ASAP1: variants seen among roughly 807,000 people sequenced by gnomAD.
ASAP1 encodes the protein ArfGAP with SH3 domain, ankyrin repeat and PH domain 1, also known as arf-GAP with SH3 domain, ANK repeat and PH domain-containing protein 1.
Under a neutral mutation model 145.2 loss-of-function variants are expected in ASAP1, and 43 were observed. The ratio of observed to expected loss-of-function variants is 0.30; its 90% CI spans 0.23 to 0.38. The LOEUF (loss-of-function observed/expected upper bound fraction) is 0.38, where lower values mean the gene tolerates loss of function less well. Among genes scored for constraint, ASAP1 ranks in the 10% least tolerant of loss-of-function variants. The pLI, the probability that ASAP1 is intolerant of heterozygous loss-of-function variation, is 1.00. For synonymous variants in ASAP1, 546 were observed against 515.5 expected, an observed-to-expected ratio of 1.06 and a Z score of -0.80; for missense variants, 1,018 against 1,355.3, an observed-to-expected ratio of 0.75 and a Z score of 3.91.
At chr8:130,082,306 T>TA (rs2097482326) in intron 25 of ASAP1, among the ~76,000 whole-genome samples, 1 of 152,196 alleles carries the variant, frequency 6.6e-6, no homozygotes, top group African/African-American at 2.4e-5. Context: ...ACTTCTTTGG[T>TA]AACTCATAAA....
chr8:130,332,428 TTA>T (rs1824752658), intron 3 of ASAP1, among the ~76,000 whole-genome samples: 1 of 152,242 alleles, frequency 6.6e-6, no homozygotes. Context: ...ATTTCTGTGA[TTA>T]TGTCATTGTA....
intron 2 of ASAP1, among the ~76,000 whole-genome samples, chr8:130,366,075 T>C (rs979691805): frequency 2.0e-5 from 3 of 152,212 alleles, no homozygotes; most frequent in African/African-American, 7.2e-5. Context: ...GACAGATTTG[T>C]GGGAACTGAG....
intron 27 of ASAP1, among the ~76,000 whole-genome samples, chr8:130,070,316 C>T (rs541985855): frequency 1.6e-4 from 24 of 152,240 alleles, no homozygotes; most frequent in Non-Finnish European, 2.4e-4. Flanking sequence ...GGATTACAGG[C>T]GTGAGCCACC....
chr8:130,094,184 T>C (rs1411322333), intron 24 of ASAP1, among the ~76,000 whole-genome samples: 1 of 152,166 alleles, frequency 6.6e-6, no homozygotes, highest in Non-Finnish European at 1.5e-5. Flanking sequence ...TATATGCTAT[T>C]CCTCAGCTTC....
intron 13 of ASAP1, among the ~76,000 whole-genome samples, chr8:130,140,360 CTTTT>C (rs1305950960): frequency 2.0e-5 from 3 of 148,154 alleles, no homozygotes; most frequent in Admixed American, 6.8e-5. Context: ...TTCTTTCTTT[CTTTT>C]TTTTTTAAAA....
chr8:130,109,899 T>C (rs2097543908), intron 24 of ASAP1, among the ~76,000 whole-genome samples: 10 of 152,218 alleles, frequency 6.6e-5, no homozygotes. Context: ...TGTCCTGCTG[T>C]GAACAGCCAT....
intron 3 of ASAP1, among the ~76,000 whole-genome samples, chr8:130,257,069 G>A (rs12547397): frequency 0.18 from 27,486 of 151,672 alleles, 3,149 homozygotes; most frequent in East Asian, 0.43. Flanking sequence ...AAAAACTAAT[G>A]TAACTGTTTT....
At chr8:130,198,002 T>C (rs1355766900) in intron 5 of ASAP1, among the ~76,000 whole-genome samples, 2 of 152,200 alleles carry the variant, frequency 1.3e-5, no homozygotes, top group African/African-American at 2.4e-5. Flanking sequence ...ATACACCCCA[T>C]GTCTCATTTG....
intron 5 of ASAP1, 57 bp downstream of exon 5, chr8:130,214,499 T>A (rs1816772222): frequency 6.7e-7 from 1 of 1,483,980 alleles, no homozygotes; most frequent in African/African-American, 1.4e-5. Context: ...GTTCTCTATA[T>A]GACGTAATAT....
chr8:130,335,992 T>A (rs541813397), intron 3 of ASAP1, among the ~76,000 whole-genome samples: 1 of 152,268 alleles, frequency 6.6e-6, no homozygotes, highest in Admixed American at 6.5e-5. Flanking sequence ...AATTTCCAAG[T>A]GAGACAGGAA....
Position 130,185,915 on chromosome 8 carries a change from T to C in ASAP1, c.530+1321A>G, listed in dbSNP as rs143967434. Among the ~76,000 whole-genome samples the C allele has an allele frequency of 1.1e-4, 16 of 152,220 alleles. No individual in the cohort carries two copies. In the East Asian group the frequency reaches 2.9e-3, roughly 28 times the overall value. On this transcript the variant is annotated intron_variant, in intron 7 of 29. Coordinates refer to ENST00000518721, the MANE Select transcript of ASAP1 (RefSeq NM_018482.4). ...TCAGCCAACAGAGATTTAAAAAATA[T>C]AAATAAAGTTGTACTACCTAATATT... is the stretch of plus-strand genomic sequence containing the variant.
intron 11 of ASAP1, among the ~76,000 whole-genome samples, chr8:130,162,691 G>A (rs192364462): frequency 4.6e-5 from 7 of 151,900 alleles, no homozygotes; most frequent in South Asian, 4.2e-4. Context: ...GGTGGCGGGC[G>A]CCTGTACTCC....
At chr8:130,197,095 C>T (rs1007221904) in intron 5 of ASAP1, among the ~76,000 whole-genome samples, 6 of 152,252 alleles carry the variant, frequency 3.9e-5, no homozygotes, top group Non-Finnish European at 7.3e-5. Context: ...CCAGCACCTT[C>T]CTGAACTAGC....
At chr8:130,268,517 AC>A (rs1565154972) in intron 3 of ASAP1, among the ~76,000 whole-genome samples, 2 of 151,648 alleles carry the variant, frequency 1.3e-5, no homozygotes, top group African/African-American at 4.8e-5. Context: ...ACACACACAC[AC>A]ACACACACAC....
chr8:130,400,084 T>G (rs930057052), intron 2 of ASAP1, among the ~76,000 whole-genome samples: 1 of 152,126 alleles, frequency 6.6e-6, no homozygotes, highest in Non-Finnish European at 1.5e-5. Context: ...CCTCCCAAAG[T>G]GCTGGGATTA....
intron 24 of ASAP1, among the ~76,000 whole-genome samples, chr8:130,096,750 AAC>A (rs1269605829): frequency 2.0e-5 from 3 of 152,142 alleles, no homozygotes; most frequent in Non-Finnish European, 2.9e-5. Context: ...CCTGCCCTTA[AAC>A]AGAGATGGAT....
intron 3 of ASAP1, among the ~76,000 whole-genome samples, chr8:130,354,848 T>C (rs1826210830): frequency 6.6e-6 from 1 of 152,144 alleles, no homozygotes; most frequent in Admixed American, 6.5e-5. Context: ...CCCCAAAAGG[T>C]AAAGCCCAGA....
intron 3 of ASAP1, among the ~76,000 whole-genome samples, chr8:130,265,417 TA>T (rs1310812881): frequency 6.6e-6 from 1 of 150,738 alleles, no homozygotes; most frequent in Non-Finnish European, 1.5e-5. Flanking sequence ...CTAAAATTTT[TA>T]AAAAAGTAAC....
intron 2 of ASAP1, among the ~76,000 whole-genome samples, chr8:130,397,188 T>G (rs2138532674): frequency 6.6e-6 from 1 of 152,318 alleles, no homozygotes; most frequent in South Asian, 2.1e-4. Flanking sequence ...TTGCCCAGAC[T>G]GGAGTGCAAT....
Sources: gnomAD v4.1 joint callset for allele counts (sites outside exome capture counted in the v4.1 genomes callset) on GRCh38, gnomAD v4.1.1 for gene constraint, MANE v1.5 for transcripts, NCBI Gene and HGNC (gene_info 2026-07-23, HGNC 2026-07-21) for gene names.